Variants in AGBL4 observed in about 807,000 individuals in gnomAD.
AGBL4 encodes the protein AGBL carboxypeptidase 4, also known as cytosolic carboxypeptidase 6.
A neutral mutation model predicts 66.4 loss-of-function variants in AGBL4; 58 were observed. The observed-to-expected ratio is 0.87, with a 90% CI of 0.71 to 1.09. The LOEUF (loss-of-function observed/expected upper bound fraction) is 1.09. Among genes scored for constraint, AGBL4 ranks in the 50% least tolerant of loss-of-function variants. The pLI is 0.00. For synonymous variants in AGBL4, 234 were observed against 222.9 expected, an observed-to-expected ratio of 1.05 and a Z score of -0.44; for missense variants, 579 against 631.0, an observed-to-expected ratio of 0.92 and a Z score of 0.88.
At chr1:49,832,805 G>A (rs1024128702) in intron 2 of AGBL4, among the ~76,000 whole-genome samples, 5 of 152,148 alleles carry the variant, frequency 3.3e-5, no homozygotes, top group African/African-American at 1.2e-4. Context: ...CTTTTGAGAA[G>A]TGTCTGTTCA....
At chr1:48,715,470 C>T (rs1187036120) in intron 6 of AGBL4, among the ~76,000 whole-genome samples, 1 of 152,246 alleles carries the variant, frequency 6.6e-6, no homozygotes, top group Non-Finnish European at 1.5e-5. Context: ...TCCCCCTGCC[C>T]TGTGCCCACG....
intron 3 of AGBL4, among the ~76,000 whole-genome samples, chr1:49,308,692 T>C (rs1293436892): frequency 6.6e-6 from 1 of 152,054 alleles, no homozygotes; most frequent in Non-Finnish European, 1.5e-5. Flanking sequence ...GATAGAACAC[T>C]TAGGGATTAG....
intron 1 of AGBL4, among the ~76,000 whole-genome samples, chr1:50,002,954 T>C (rs936620024): frequency 1.3e-5 from 2 of 152,062 alleles, no homozygotes; most frequent in African/African-American, 2.4e-5. Context: ...TAAAAGTTAA[T>C]AGAAGTTAAT....
chr1:48,620,457 G>A (rs931618721), intron 9 of AGBL4, among the ~76,000 whole-genome samples: 6 of 151,780 alleles, frequency 4.0e-5, no homozygotes, highest in Admixed American at 6.6e-5. Context: ...AATTTTTTTT[G>A]TAGAGATGGA....
chr1:49,182,020 T>C (rs1557706801), intron 4 of AGBL4, among the ~76,000 whole-genome samples: 1 of 152,164 alleles, frequency 6.6e-6, no homozygotes, highest in Non-Finnish European at 1.5e-5. Context: ...TCTTAGCCGC[T>C]GAGGCATACG....
chr1:48,527,839 G>A, the AGBL4 span, among the ~76,000 whole-genome samples: 1 of 152,096 alleles, frequency 6.6e-6, no homozygotes, highest in African/African-American at 2.4e-5. Flanking sequence ...GGGCGTGAAA[G>A]ACACAAAAGT....
intron 3 of AGBL4, among the ~76,000 whole-genome samples, chr1:49,256,783 A>T (rs964022593): frequency 1.3e-5 from 2 of 152,202 alleles, no homozygotes; most frequent in Admixed American, 1.3e-4. Flanking sequence ...ATTGCTGTGG[A>T]TTTGTATAGC....
At chr1:49,468,156 CA>C (rs1389153968) in intron 3 of AGBL4, among the ~76,000 whole-genome samples, 2 of 151,798 alleles carry the variant, frequency 1.3e-5, no homozygotes, top group Non-Finnish European at 2.9e-5. Context: ...CAATCAAATG[CA>C]GATGTGGGAC....
At chr1:49,876,179 A>G (rs1646999952) in intron 1 of AGBL4, among the ~76,000 whole-genome samples, 1 of 143,880 alleles carries the variant, frequency 7.0e-6, no homozygotes, top group Non-Finnish European at 1.5e-5. Context: ...CCATTTGTCA[A>G]TTTTGGCTTT....
chr1:49,121,524 C>T (rs1645653697), intron 4 of AGBL4, among the ~76,000 whole-genome samples: 1 of 152,184 alleles, frequency 6.6e-6, no homozygotes, highest in African/African-American at 2.4e-5. Context: ...ATCTGGGTAT[C>T]ATCAGCAGAG....
intron 11 of AGBL4, among the ~76,000 whole-genome samples, chr1:48,558,657 G>A (rs1202157481): frequency 5.9e-5 from 9 of 152,228 alleles, no homozygotes; most frequent in Non-Finnish European, 2.9e-5. Flanking sequence ...TTCTAGCAGG[G>A]GAGGGCTGGT....
intron 6 of AGBL4, among the ~76,000 whole-genome samples, chr1:48,821,014 A>T (rs1646300121): frequency 4.6e-5 from 7 of 152,228 alleles, no homozygotes; most frequent in African/African-American, 2.4e-5. Flanking sequence ...GCTCAACATC[A>T]CTAATCATCA....
intron 2 of AGBL4, among the ~76,000 whole-genome samples, chr1:49,744,293 CCT>C (rs149425253): frequency 8.6e-4 from 127 of 148,344 alleles, no homozygotes; most frequent in Non-Finnish European, 7.8e-4. Context: ...TCATCTCCAC[CCT>C]CTCTCTCTCT....
intron 3 of AGBL4, among the ~76,000 whole-genome samples, chr1:49,372,669 TTCTTTCTTTC>T (rs1157605801): frequency 9.0e-4 from 61 of 68,102 alleles, no homozygotes; most frequent in East Asian, 4.8e-3. Context: ...CTTTCTTTCT[TTCTTTCTTTC>T]TCTTTCTTTC....
intron 6 of AGBL4, among the ~76,000 whole-genome samples, chr1:48,833,499 G>A (rs1646605134): frequency 6.6e-6 from 1 of 152,162 alleles, no homozygotes; most frequent in African/African-American, 2.4e-5. Context: ...AGGGTGAATT[G>A]TTAAGCAAAA....
chr1:48,759,682 G>A (rs1644152172), intron 6 of AGBL4, among the ~76,000 whole-genome samples: 1 of 152,166 alleles, frequency 6.6e-6, no homozygotes, highest in South Asian at 2.1e-4. Flanking sequence ...GAGAATCAGG[G>A]AGAAATGAGG....
intron 1 of AGBL4, among the ~76,000 whole-genome samples, chr1:49,962,793 C>T (rs1402016184): frequency 1.3e-5 from 2 of 152,092 alleles, no homozygotes; most frequent in Non-Finnish European, 2.9e-5. Context: ...CACTTAAAAT[C>T]ATTGAATTTT....
At chr1:49,837,298 T>C (rs1240991055) in intron 2 of AGBL4, among the ~76,000 whole-genome samples, 3 of 152,220 alleles carry the variant, frequency 2.0e-5, no homozygotes, top group Non-Finnish European at 4.4e-5. Flanking sequence ...ATAGCCACTT[T>C]GCTGAGCTGC....
intron 2 of AGBL4, among the ~76,000 whole-genome samples, chr1:49,761,119 C>T (rs1427634544): frequency 2.0e-5 from 3 of 149,166 alleles, no homozygotes; most frequent in Non-Finnish European, 3.0e-5. Context: ...GCATGTTCTG[C>T]ACATGCATCC....
Sources: allele counts gnomAD v4.1 joint callset (sites outside exome capture counted in the v4.1 genomes callset), GRCh38; gene constraint gnomAD v4.1.1; transcripts MANE v1.5; gene names NCBI Gene and HGNC (gene_info 2026-07-23, HGNC 2026-07-21).